Variants in EYS observed in about 807,000 individuals in gnomAD.
EYS encodes EGF-like photoreceptor maintenance factor, also known as protein eyes shut homolog.
Under a neutral mutation model 282.1 loss-of-function variants are expected in EYS, and 250 were observed. That is an observed-to-expected ratio of 0.89 (90% CI 0.80 to 0.98). The LOEUF is 0.98. EYS is among the 50% of genes least tolerant of loss of function. The pLI, the probability that EYS is intolerant of heterozygous loss-of-function variation, is 0.00. For synonymous variants in EYS, 1,355 were observed against 1,282.9 expected, an observed-to-expected ratio of 1.06 and a Z score of -1.20; for missense variants, 4,016 against 3,709.0, an observed-to-expected ratio of 1.08 and a Z score of -2.15.
intron 35 of EYS, among the ~76,000 whole-genome samples, chr6:63,882,706 C>A (rs572815210): frequency 6.6e-6 from 1 of 152,018 alleles, no homozygotes; most frequent in African/African-American, 2.4e-5. Flanking sequence ...GCACAGCAGG[C>A]GGCCTATTTT....
chr6:64,275,436 TATC>T (rs1160993770), intron 30 of EYS, among the ~76,000 whole-genome samples: 3 of 147,558 alleles, frequency 2.0e-5, no homozygotes, highest in Non-Finnish European at 4.4e-5. Context: ...AATGCACACT[TATC>T]ATGTTCTATT....
At chr6:65,362,464 T>C (rs935557962) in intron 8 of EYS, among the ~76,000 whole-genome samples, 8 of 152,066 alleles carry the variant, frequency 5.3e-5, no homozygotes, top group Admixed American at 2.0e-4. Flanking sequence ...TATATGTATT[T>C]ATGTGCATGT....
At chr6:64,803,977 G>A (rs1259613475) in intron 22 of EYS, among the ~76,000 whole-genome samples, 1 of 152,174 alleles carries the variant, frequency 6.6e-6, no homozygotes, top group Non-Finnish European at 1.5e-5. Context: ...GCGCCCGGGA[G>A]GGTAGGGCTC....
chr6:65,356,086 C>A (rs1049637285), intron 8 of EYS, among the ~76,000 whole-genome samples: 4 of 151,882 alleles, frequency 2.6e-5, no homozygotes, highest in South Asian at 2.1e-4. Flanking sequence ...AAGTGTCCAC[C>A]AATTGATGAC....
chr6:63,932,238 G>T (rs761298876), intron 35 of EYS, among the ~76,000 whole-genome samples: 2 of 152,078 alleles, frequency 1.3e-5, no homozygotes, highest in Non-Finnish European at 2.9e-5. Context: ...ATTTATTGAT[G>T]AACTTTTAGC....
intron 22 of EYS, among the ~76,000 whole-genome samples, chr6:64,789,782 A>C (rs1774131525): frequency 6.6e-6 from 1 of 151,762 alleles, no homozygotes; most frequent in Non-Finnish European, 1.5e-5. Flanking sequence ...TCTAATTTTA[A>C]TTTCTGATAT....
intron 36 of EYS, among the ~76,000 whole-genome samples, chr6:63,811,265 G>A (rs2149681287): frequency 6.6e-6 from 1 of 152,254 alleles, no homozygotes; most frequent in Non-Finnish European, 1.5e-5. Context: ...TACCATTCAT[G>A]CTCGATTTTA....
chr6:65,358,719 G>C (rs1764589696), intron 8 of EYS, among the ~76,000 whole-genome samples: 1 of 151,416 alleles, frequency 6.6e-6, no homozygotes, highest in Non-Finnish European at 1.5e-5. Flanking sequence ...CTATAGGTGA[G>C]ACTAAACTCA....
At chr6:64,337,662 A>G (rs1457945351) in intron 29 of EYS, among the ~76,000 whole-genome samples, 1 of 151,946 alleles carries the variant, frequency 6.6e-6, no homozygotes, top group Non-Finnish European at 1.5e-5. Flanking sequence ...CAAAACCAGG[A>G]AAGGACATAA....
At chr6:63,982,912 A>G (rs1411791164) in intron 35 of EYS, among the ~76,000 whole-genome samples, 2 of 151,880 alleles carry the variant, frequency 1.3e-5, no homozygotes, top group Non-Finnish European at 2.9e-5. Flanking sequence ...ACATTAACAC[A>G]GTCAGTTAGA....
intron 26 of EYS, among the ~76,000 whole-genome samples, chr6:64,475,570 A>G (rs1429338342): frequency 2.0e-5 from 3 of 150,656 alleles, no homozygotes; most frequent in Admixed American, 1.3e-4. Flanking sequence ...AAAAAAAAAA[A>G]AAAGAAAAGA....
intron 31 of EYS, among the ~76,000 whole-genome samples, chr6:64,173,702 C>T (rs1764547502): frequency 1.3e-5 from 2 of 151,996 alleles, no homozygotes; most frequent in Admixed American, 6.6e-5. Flanking sequence ...AAGCAGGGTT[C>T]GATTAATCAT....
intron 19 of EYS, among the ~76,000 whole-genome samples, chr6:64,828,136 T>C (rs1765111802): frequency 6.6e-6 from 1 of 151,910 alleles, no homozygotes; most frequent in Non-Finnish European, 1.5e-5. Flanking sequence ...TTTAATGAGC[T>C]TATCAGTGGA....
chr6:65,523,356 AAAG>A (rs774259008), intron 2 of EYS, among the ~76,000 whole-genome samples: 1 of 152,244 alleles, frequency 6.6e-6, no homozygotes, highest in South Asian at 2.1e-4. Flanking sequence ...CTGAAAAAAC[AAAG>A]AAATCCTGCC....
chr6:64,956,885 T>A (rs1769724719), intron 14 of EYS, among the ~76,000 whole-genome samples: 1 of 151,926 alleles, frequency 6.6e-6, no homozygotes, highest in Non-Finnish European at 1.5e-5. Flanking sequence ...CAATGAGAAA[T>A]CATCTGACCC....
intron 35 of EYS, among the ~76,000 whole-genome samples, chr6:63,947,141 A>C (rs1765422898): frequency 1.3e-5 from 2 of 152,040 alleles, no homozygotes; most frequent in Admixed American, 1.3e-4. Context: ...AAGTATATTG[A>C]GTTTGAACAA....
At chr6:64,630,221 G>A (rs1456718564) in intron 22 of EYS, among the ~76,000 whole-genome samples, 1 of 151,962 alleles carries the variant, frequency 6.6e-6, no homozygotes, top group Non-Finnish European at 1.5e-5. Flanking sequence ...TCAGCTTCCC[G>A]AGTAGCTGGG....
chr6:65,500,974 T>A lies in EYS; in HGVS notation c.-332-4981A>T, dbSNP rs186520015. Among the ~76,000 whole-genome samples the A allele has an allele frequency of 8.5e-5, 13 of 152,138 alleles. No individual in the cohort carries two copies. In the East Asian group the frequency reaches 2.3e-3, roughly 27 times the overall value. On this transcript the variant is annotated intron_variant, in intron 2 of 42. Coordinates refer to ENST00000503581, the MANE Select transcript of EYS (RefSeq NM_001142800.2). ...CATCACTCAGCTACTTACAAATGTA[T>A]AATTTTATAATGCTTTTTAACATGC...
At chr6:63,992,643 T>C (rs1767653524) in intron 34 of EYS, among the ~76,000 whole-genome samples, 1 of 150,958 alleles carries the variant, frequency 6.6e-6, no homozygotes, top group South Asian at 2.1e-4. Flanking sequence ...CTATAGAAGA[T>C]ACAAAAAAAC....
Sources: allele counts gnomAD v4.1 joint callset (sites outside exome capture counted in the v4.1 genomes callset), GRCh38; gene constraint gnomAD v4.1.1; transcripts MANE v1.5; gene names NCBI Gene and HGNC (gene_info 2026-07-23, HGNC 2026-07-21).